Variants in TRPM3 observed in about 807,000 individuals in gnomAD.
TRPM3 encodes transient receptor potential cation channel subfamily M member 3, also known as long transient receptor potential channel 3.
Under a neutral mutation model 181.2 loss-of-function variants are expected in TRPM3, and 77 were observed. The ratio of observed to expected loss-of-function variants is 0.42; its 90% CI spans 0.35 to 0.51. TRPM3 has a LOEUF of 0.51. TRPM3 is among the 20% of genes least tolerant of loss of function. TRPM3 has a pLI of 0.01. For missense variants in TRPM3, 1,759 were observed against 2,196.7 expected (o/e 0.80, Z 3.98); for synonymous variants, 745 against 796.4 (o/e 0.94, Z 1.09).
intron 1 of TRPM3, among the ~76,000 whole-genome samples, chr9:70,996,163 T>C (rs922524982): frequency 6.6e-6 from 1 of 152,204 alleles, no homozygotes. Context: ...GAATAATCAA[T>C]GATATCTTCA....
intron 1 of TRPM3, among the ~76,000 whole-genome samples, chr9:71,110,042 T>A (rs952857882): frequency 1.3e-5 from 2 of 152,130 alleles, no homozygotes; most frequent in African/African-American, 4.8e-5. Context: ...CTGCATCAAT[T>A]TTTTTAGAGG....
intron 1 of TRPM3, among the ~76,000 whole-genome samples, chr9:71,067,056 CT>C: frequency 1.1e-5 from 1 of 90,830 alleles, no homozygotes; most frequent in East Asian, 5.5e-4. Flanking sequence ...GTTCTGTCAG[CT>C]CTTGAAACTC....
At chr9:70,916,281 G>A (rs1286383544) in intron 1 of TRPM3, among the ~76,000 whole-genome samples, 1 of 152,140 alleles carries the variant, frequency 6.6e-6, no homozygotes, top group African/African-American at 2.4e-5. Context: ...GGACATTAAT[G>A]AGCAATAAGA....
chr9:71,288,943 T>A (rs945323298), intron 1 of TRPM3, among the ~76,000 whole-genome samples: 1 of 151,940 alleles, frequency 6.6e-6, no homozygotes, highest in African/African-American at 2.4e-5. Flanking sequence ...GGAAAAAAAA[T>A]TCCCAAGACT....
At chr9:71,328,577 T>G (rs755217538) in intron 1 of TRPM3, among the ~76,000 whole-genome samples, 7 of 152,178 alleles carry the variant, frequency 4.6e-5, no homozygotes, top group Admixed American at 2.0e-4. Flanking sequence ...AAATCCTTGG[T>G]AGAAAGGGAC....
chr9:71,309,325 T>C (rs2087694318), intron 1 of TRPM3, among the ~76,000 whole-genome samples: 1 of 152,218 alleles, frequency 6.6e-6, no homozygotes, highest in Non-Finnish European at 1.5e-5. Flanking sequence ...ATTTTCTTAA[T>C]GCAGATACAC....
At chr9:70,793,129 C>T (rs1368283212) in intron 6 of TRPM3, among the ~76,000 whole-genome samples, 1 of 152,110 alleles carries the variant, frequency 6.6e-6, no homozygotes, top group Non-Finnish European at 1.5e-5. Context: ...GCCAACTCTT[C>T]CTACAGACAT....
chr9:70,863,263 G>C, intron 2 of TRPM3, 151 bp from the exon 3 acceptor site: 1 of 624,488 alleles, frequency 1.6e-6, no homozygotes, highest in Non-Finnish European at 2.7e-6. Flanking sequence ...ATCAGGTATT[G>C]GTAAACTCAG....
intron 1 of TRPM3, among the ~76,000 whole-genome samples, chr9:71,217,100 G>A (rs551414110): frequency 3.3e-5 from 5 of 151,094 alleles, no homozygotes; most frequent in African/African-American, 9.7e-5. Context: ...ACAGGCGCCC[G>A]CTACCACGCC....
chr9:71,438,240 T>C (rs1440872957), intron 1 of TRPM3, among the ~76,000 whole-genome samples: 2 of 152,164 alleles, frequency 1.3e-5, no homozygotes, highest in Non-Finnish European at 2.9e-5. Flanking sequence ...AAAGGAAAAT[T>C]ATAATGTGTC....
intron 1 of TRPM3, among the ~76,000 whole-genome samples, chr9:71,260,375 G>C (rs1441449366): frequency 6.6e-6 from 1 of 151,898 alleles, no homozygotes; most frequent in African/African-American, 2.4e-5. Flanking sequence ...CTCTTTTTTT[G>C]GATCCATATC....
At chr9:70,689,122 C>T (rs1178959091) in intron 8 of TRPM3, among the ~76,000 whole-genome samples, 3 of 152,090 alleles carry the variant, frequency 2.0e-5, no homozygotes, top group Non-Finnish European at 4.4e-5. Context: ...GTGTCAAGAG[C>T]CAATTTTAAC....
chr9:70,914,689 A>G (rs2096572637), intron 1 of TRPM3, among the ~76,000 whole-genome samples: 1 of 152,214 alleles, frequency 6.6e-6, no homozygotes, highest in South Asian at 2.1e-4. Context: ...GCACAGTCCT[A>G]GTGCTGGTGG....
At chr9:71,086,858 A>G (rs974595776) in intron 1 of TRPM3, among the ~76,000 whole-genome samples, 9 of 152,014 alleles carry the variant, frequency 5.9e-5, no homozygotes, top group African/African-American at 2.2e-4. Context: ...GCACCATTTC[A>G]TGTACTTTGC....
At chr9:71,015,390 G>A (rs1476191811) in intron 1 of TRPM3, among the ~76,000 whole-genome samples, 3 of 152,162 alleles carry the variant, frequency 2.0e-5, no homozygotes, top group Admixed American at 1.3e-4. Flanking sequence ...ATGCTAAGCA[G>A]TGAATTATAA....
chr9:71,028,827 AAG>A (rs1329063954), intron 1 of TRPM3, among the ~76,000 whole-genome samples: 1 of 152,166 alleles, frequency 6.6e-6, no homozygotes, highest in African/African-American at 2.4e-5. Flanking sequence ...GAGACCTTGA[AAG>A]AGAGACTTCA....
rs142401309 is a variant in TRPM3, at chr9:70,761,589, G to A, written c.1272+12C>T. ...TGTGGAGACAGCTGGCCACCCATGC[G>A]GAATTACCTACCAATTCCTTCTTCT... On this transcript the variant is annotated intron_variant, in intron 8 of 25. Coordinates refer to ENST00000677713, the MANE Select transcript of TRPM3 (RefSeq NM_001366145.2). The A allele has an allele frequency of 1.7e-5, 28 of 1,613,926 alleles. No individual in the cohort carries two copies. The highest frequency in any genetic ancestry group is 1.4e-4 in the South Asian group (13 of 91,076).
intron 1 of TRPM3, among the ~76,000 whole-genome samples, chr9:71,356,504 C>T (rs540413336): frequency 1.3e-5 from 2 of 152,204 alleles, no homozygotes; most frequent in South Asian, 4.1e-4. Context: ...GGCCTGAATT[C>T]AAACCTCAGC....
chr9:71,020,771 T>C (rs2097841172), intron 1 of TRPM3, among the ~76,000 whole-genome samples: 1 of 152,208 alleles, frequency 6.6e-6, no homozygotes, highest in Non-Finnish European at 1.5e-5. Flanking sequence ...TCATACACTT[T>C]GGTGAGACTA....
Sources: allele counts gnomAD v4.1 joint callset (sites outside exome capture counted in the v4.1 genomes callset), GRCh38; gene constraint gnomAD v4.1.1; transcripts MANE v1.5; gene names NCBI Gene and HGNC (gene_info 2026-07-23, HGNC 2026-07-21).